The following GRM8 variants were observed in gnomAD, a reference collection of about 807,000 sequenced individuals.
The protein encoded by GRM8 is metabotropic glutamate receptor 8.
A neutral mutation model predicts 87.2 loss-of-function variants in GRM8; 47 were observed. The observed-to-expected ratio is 0.54, with a 90% CI of 0.43 to 0.69. The LOEUF (loss-of-function observed/expected upper bound fraction) is 0.69, where lower values mean the gene tolerates loss of function less well. Among genes scored for constraint, GRM8 ranks in the 30% least tolerant of loss-of-function variants. The pLI, the probability that GRM8 is intolerant of heterozygous loss-of-function variation, is 0.00. For missense variants in GRM8, 1,019 were observed against 1,139.2 expected, an observed-to-expected ratio of 0.89 and a Z score of 1.52; for synonymous variants, 396 against 404.5, an observed-to-expected ratio of 0.98 and a Z score of 0.25.
intron 8 of GRM8, among the ~76,000 whole-genome samples, chr7:126,598,155 G>A (rs1405230328): frequency 6.6e-6 from 1 of 151,576 alleles, no homozygotes; most frequent in East Asian, 1.9e-4. Context: ...TACCTTTTTT[G>A]TTTCTTCTCT....
intron 6 of GRM8, among the ~76,000 whole-genome samples, chr7:126,881,586 G>C (rs901888760): frequency 6.6e-6 from 1 of 152,192 alleles, no homozygotes; most frequent in Non-Finnish European, 1.5e-5. Context: ...GTGCATGGGG[G>C]CATGGCAAAT....
At chr7:126,635,854 A>G (rs1280416740) in intron 7 of GRM8, among the ~76,000 whole-genome samples, 1 of 152,142 alleles carries the variant, frequency 6.6e-6, no homozygotes, top group East Asian at 1.9e-4. Flanking sequence ...TTTATGAGAT[A>G]ATAAATTTAC....
Position 126,603,735 on chromosome 7 carries a change from ATATG to A in GRM8, c.1494+5623_1494+5626del, listed in dbSNP as rs775774324. On this transcript the variant is annotated intron_variant, in intron 8 of 10. Transcript: ENST00000339582. Reference sequence around the variant, plus strand: ...GGTGAATATGTGTGTGTACATATATATATGTATGTATGTATGTGTTTGTGTATAT... The same window carrying A: ...GGTGAATATGTGTGTGTACATATATATATGTATGTATGTGTTTGTGTATAT... Among the ~76,000 whole-genome samples, 49 of 152,168 alleles carry A rather than the reference ATATG, an allele frequency of 3.2e-4. 1 individual carries two copies. In the East Asian group the frequency reaches 6.7e-3, roughly 21 times the overall value.
intron 6 of GRM8, among the ~76,000 whole-genome samples, chr7:126,830,201 G>A (rs2130389523): frequency 6.6e-6 from 1 of 152,156 alleles, no homozygotes; most frequent in African/African-American, 2.4e-5. Flanking sequence ...TCTTCTCGAG[G>A]AGTATCTTTG....
intron 6 of GRM8, among the ~76,000 whole-genome samples, chr7:126,811,601 G>A (rs1418104459): frequency 2.0e-5 from 3 of 151,762 alleles, no homozygotes; most frequent in Admixed American, 2.0e-4. Flanking sequence ...TATATTCCTA[G>A]GTATTTTGAG....
intron 3 of GRM8, among the ~76,000 whole-genome samples, chr7:126,963,061 A>G (rs990935560): frequency 1.3e-5 from 2 of 152,232 alleles, no homozygotes; most frequent in African/African-American, 4.8e-5. Flanking sequence ...ATGCAAACCA[A>G]ATAACTCACT....
intron 6 of GRM8, chr7:126,870,374 T>A (rs191333109): frequency 6.6e-6 from 1 of 152,206 alleles, no homozygotes; most frequent in African/African-American, 2.4e-5. Context: ...ATTTTCCCTT[T>A]GCATCTACAG....
intron 7 of GRM8, among the ~76,000 whole-genome samples, chr7:126,729,831 G>A (rs144356541): frequency 1.3e-5 from 2 of 152,178 alleles, no homozygotes; most frequent in East Asian, 3.9e-4. Context: ...AAGTATTGAG[G>A]CAAAAGTAAA....
intron 3 of GRM8, among the ~76,000 whole-genome samples, chr7:126,916,812 A>G (rs138471926): frequency 0.014 from 2,111 of 152,300 alleles, 46 homozygotes; most frequent in African/African-American, 0.048. Flanking sequence ...TAACCAAACT[A>G]GGAAATGAAC....
At chr7:126,774,956 A>G (rs1384925073) in intron 6 of GRM8, among the ~76,000 whole-genome samples, 1 of 152,172 alleles carries the variant, frequency 6.6e-6, no homozygotes, top group African/African-American at 2.4e-5. Context: ...CAATGCAATG[A>G]TGGTCCAATA....
At chr7:127,008,843 A>G (rs2299523) in intron 3 of GRM8, among the ~76,000 whole-genome samples, 75,570 of 151,868 alleles carry the variant, frequency 0.5, 18,976 homozygotes, top group Middle Eastern at 0.52. Context: ...GTTGCTCATC[A>G]AAGATGTCAA....
At chr7:127,169,859 C>G (rs773879393) in intron 2 of GRM8, among the ~76,000 whole-genome samples, 3 of 152,180 alleles carry the variant, frequency 2.0e-5, no homozygotes, top group Non-Finnish European at 2.9e-5. Flanking sequence ...TTTAAGCCCA[C>G]TGTTGAGACC....
rs558183590 is a variant in GRM8 at position 127,223,149 on chromosome 7, G to T, written c.510+19546C>A. 2.0e-5 allele frequency among the ~76,000 whole-genome samples: 3 copies of T among 152,186 alleles called. No individual in the cohort carries two copies. The East Asian group carries it at 5.8e-4, about 29-fold the overall frequency. On this transcript the variant is annotated intron_variant, in intron 2 of 10. Coordinates refer to ENST00000339582, the MANE Select transcript of GRM8 (RefSeq NM_000845.3). ...ATTAGATCTAAAACAAGCATAAGAA[G>T]ACACCGAAAGGTGGGGAGCTGCCAA...
At chr7:126,601,501 C>G (rs1320307027) in intron 8 of GRM8, among the ~76,000 whole-genome samples, 1 of 152,006 alleles carries the variant, frequency 6.6e-6, no homozygotes, top group Non-Finnish European at 1.5e-5. Flanking sequence ...CCTGAGGAAT[C>G]GCCACACTGA....
chr7:126,769,300 A>G lies in GRM8; in HGVS notation c.1357+565T>C, dbSNP rs1219299139. On this transcript the variant is annotated intron_variant, in intron 7 of 10. Transcript: ENST00000339582. ...AGTTTCTCGTGGCAGTCACAGAAACAACATTTCTGCTTTTACAGTATAAAA... is the reference window on the plus strand; with the variant it reads ...AGTTTCTCGTGGCAGTCACAGAAACGACATTTCTGCTTTTACAGTATAAAA... Among the ~76,000 whole-genome samples, 3 of 152,130 alleles carry G rather than the reference A, an allele frequency of 2.0e-5. 1 individual carries two copies. The highest frequency in any genetic ancestry group is 2.9e-5 in the Non-Finnish European group (2 of 68,012).
chr7:126,628,136 C>T (rs922239282), intron 7 of GRM8, among the ~76,000 whole-genome samples: 1 of 152,158 alleles, frequency 6.6e-6, no homozygotes, highest in African/African-American at 2.4e-5. Context: ...CCTCCACCTC[C>T]CAGGTAGTTC....
At chr7:126,653,659 A>G (rs2299487) in intron 7 of GRM8, among the ~76,000 whole-genome samples, 46,744 of 152,112 alleles carry the variant, frequency 0.31, 8,050 homozygotes, top group East Asian at 0.43. Flanking sequence ...TACATATGGA[A>G]ACTTCAAAAA....
chr7:126,857,840 T>C (rs1257230690), intron 6 of GRM8, among the ~76,000 whole-genome samples: 1 of 152,122 alleles, frequency 6.6e-6, no homozygotes, highest in Non-Finnish European at 1.5e-5. Flanking sequence ...TCGCAGCCAC[T>C]TAGGAGGCTG....
At chr7:126,887,017 T>G (rs1800560346) in intron 6 of GRM8, among the ~76,000 whole-genome samples, 2 of 152,058 alleles carry the variant, frequency 1.3e-5, no homozygotes, top group Non-Finnish European at 2.9e-5. Flanking sequence ...TCAAGGGACG[T>G]GGATAAGGGC....
Sources: gnomAD v4.1 joint callset for allele counts (sites outside exome capture counted in the v4.1 genomes callset) on GRCh38, gnomAD v4.1.1 for gene constraint, MANE v1.5 for transcripts, NCBI Gene and HGNC (gene_info 2026-07-23, HGNC 2026-07-21) for gene names.